OR4E1: variants seen among roughly 807,000 people sequenced by gnomAD.
OR4E1 encodes olfactory receptor family 4 subfamily E member 1, also known as olfactory receptor 4E1.
intron 1 of OR4E1, among the ~76,000 whole-genome samples, chr14:21,672,541 A>G (rs1433717778): frequency 6.6e-6 from 1 of 152,202 alleles, no homozygotes; most frequent in Admixed American, 6.5e-5. Context: ...TGCTCCAAGA[A>G]GTGATTTTAA....
chr14:21,668,043 A>C lies in OR4E1; in HGVS notation c.*1945T>G, dbSNP rs1880734399. The C allele has an allele frequency of 6.6e-6, 1 of 152,636 alleles. No individual in the cohort carries two copies. The highest frequency in any genetic ancestry group is 6.6e-5 in the Admixed American group (1 of 15,262). The allele number at this position is 152,636 out of a possible 1,614,324, so 9.5% of individuals were successfully genotyped here. A position where few individuals can be genotyped will look rare whatever the true frequency, so the allele number is the denominator to read the frequency against. Reference sequence around the variant, plus strand: ...TACGTCCCCAGAGAGTTGAAAAATTAGTGTGACTAAAAACGGGTAGTGTCA... The same window carrying C: ...TACGTCCCCAGAGAGTTGAAAAATTCGTGTGACTAAAAACGGGTAGTGTCA... On this transcript the variant is annotated 3_prime_UTR_variant, in exon 2 of 2. Coordinates refer to ENST00000641792, the MANE Select transcript of OR4E1 (RefSeq NM_001317107.2).
At chr14:21,673,009 C>A (rs560751637) in intron 1 of OR4E1, 81 bp downstream of exon 1, 3 of 152,196 alleles carry the variant, frequency 2.0e-5, no homozygotes, top group African/African-American at 7.2e-5. Context: ...GTCAGTCCTG[C>A]ACTTTCAATA....
intron 1 of OR4E1, 130 bp from the exon 2 acceptor site, chr14:21,671,082 T>C (rs1880919644): frequency 1.0e-5 from 4 of 396,500 alleles, no homozygotes; most frequent in Non-Finnish European, 1.8e-5. Context: ...TGCATTTCTT[T>C]TAAAAATCCC....
rs1245553071 is a variant in OR4E1, at chr14:21,670,016, C to T, written c.920G>A (p.Gly307Glu). 1 of 398,518 alleles carries T rather than the reference C, an allele frequency of 2.5e-6. No individual in the cohort carries two copies. The highest frequency in any genetic ancestry group is 3.6e-5 in the East Asian group (1 of 28,074). 24.7% of individuals were successfully genotyped at this position (398,518 alleles called of 1,614,324 possible). A position where few individuals can be genotyped will look rare whatever the true frequency, so the allele number is the denominator to read the frequency against. The change falls in exon 2 of 2, where the codon GGG (glycine) becomes GAG (glutamate). Residue 307 changes from glycine to glutamate, a missense_variant. By Grantham distance (98) the Gly-to-Glu change is moderately conservative. Transcript: ENST00000641792. ...EMKSALNKLV[G>E]RKERKEEK The stretch of plus-strand genomic sequence containing the variant: ...TTTTTCTTCTTTTCTCTCTTTTCTC[C>T]CCACTAACTTGTTTAAGGCACTCTT...
Position 21,668,548 on chromosome 14 carries a change from T to A in OR4E1, c.*1440A>T, listed in dbSNP as rs1355079586. The A allele has an allele frequency of 6.6e-6, 1 of 152,208 alleles. No individual in the cohort carries two copies. The highest frequency in any genetic ancestry group is 1.5e-5 in the Non-Finnish European group (1 of 68,042). 9.4% of individuals were successfully genotyped at this position (152,208 alleles called of 1,614,324 possible). On this transcript the variant is annotated 3_prime_UTR_variant, in exon 2 of 2. Transcript: ENST00000641792. The stretch of plus-strand genomic sequence containing the variant: ...AATGTGTCATGCTCTTTTGTAAACA[T>A]GAATATGAGATGCCGTTATCTGGGA...
rs1880817105 is a variant in OR4E1 at position 21,669,493 on chromosome 14, C to T, written c.*495G>A. The T allele has an allele frequency of 6.6e-6, 1 of 152,274 alleles. No individual in the cohort carries two copies. Among genetic ancestry groups the T allele is most frequent in the South Asian group, 2.1e-4 (1 of 4,830 alleles). 9.4% of individuals were successfully genotyped at this position (152,274 alleles called of 1,614,324 possible). The stretch of plus-strand genomic sequence containing the variant: ...GTCATGTGGAAACTCACTTTATCTG[C>T]TTCACTAGTGTTTGCTAAGCTGTTT... On this transcript the variant is annotated 3_prime_UTR_variant, in exon 2 of 2. Coordinates refer to ENST00000641792, the MANE Select transcript of OR4E1 (RefSeq NM_001317107.2).
At chr14:21,672,494 T>C (rs1243683365) in intron 1 of OR4E1, among the ~76,000 whole-genome samples, 1 of 152,236 alleles carries the variant, frequency 6.6e-6, no homozygotes, top group Non-Finnish European at 1.5e-5. Context: ...GATTTTACTG[T>C]TTAGAAATTT....
Position 21,670,973 on chromosome 14 carries a change from A to T in OR4E1, c.-17-21T>A. The T allele has an allele frequency of 5.0e-6, 2 of 398,436 alleles. 1 individual carries two copies. The highest frequency in any genetic ancestry group is 8.8e-6 in the Non-Finnish European group (2 of 226,064). The allele number at this position is 398,436 out of a possible 1,614,324, so 24.7% of individuals were successfully genotyped here. ...ACAACCTGTAAAGAATTAGAAAAAA[A>T]GTCTAATATAACACAGTATCTGCAT... On this transcript the variant is annotated intron_variant, in intron 1 of 1. Coordinates refer to ENST00000641792, the MANE Select transcript of OR4E1 (RefSeq NM_001317107.2).
rs12436426 is a variant in OR4E1 at position 21,673,456 on chromosome 14, A to G, written c.-384T>C. Reference sequence around the variant, plus strand: ...GTCTCTACAAAAAATACAAAAAATTAGCTGGGCATGTTGGCTTATACCTGT... The same window carrying G: ...GTCTCTACAAAAAATACAAAAAATTGGCTGGGCATGTTGGCTTATACCTGT... On this transcript the variant is annotated 5_prime_UTR_variant, in exon 1 of 2. An upstream open reading frame in the 5' UTR loses its in-frame stop. Transcript: ENST00000641792. 3,983 of 152,134 alleles carry G rather than the reference A, an allele frequency of 0.026. 147 individuals carry two copies. Among genetic ancestry groups the G allele is most frequent in the Admixed American group, 0.11 (1,724 of 15,274 alleles). The allele number at this position is 152,134 out of a possible 1,614,324, so 9.4% of individuals were successfully genotyped here.
At chr14:21,671,190 A>G (rs997366101) in intron 1 of OR4E1, among the ~76,000 whole-genome samples, 5 of 152,232 alleles carry the variant, frequency 3.3e-5, no homozygotes, top group African/African-American at 9.6e-5. Context: ...GAGATATAAA[A>G]CAATCTTGAA....
chr14:21,672,689 G>T (rs568714184), intron 1 of OR4E1, among the ~76,000 whole-genome samples: 44 of 152,190 alleles, frequency 2.9e-4, no homozygotes, highest in Non-Finnish European at 5.0e-4. Context: ...CAAGAACTAG[G>T]TCTGAAATGA....
In OR4E1 at chr14:21,670,237, G is replaced by T. The variant is rs770756203; in HGVS notation, c.699C>A (p.Ile233=). 7.5e-6 allele frequency: 3 copies of T among 398,892 alleles called. No individual in the cohort carries two copies. Among genetic ancestry groups the T allele is most frequent in the Non-Finnish European group, 1.3e-5 (3 of 226,280 alleles). 24.7% of individuals were successfully genotyped at this position (398,892 alleles called of 1,614,324 possible). Residue 233 remains isoleucine (I), a synonymous_variant, in exon 2 of 2, where the codon ATC becomes ATA. Coordinates refer to ENST00000641792, the MANE Select transcript of OR4E1 (RefSeq NM_001317107.2). ...AVILVSLRQQ[I]SKGKRKALST... ...ACAGGGCCTTCCGCTTGCCCTTGGA[G>T]ATCTGCTGCCTCAGACTCACCAGGA...
chr14:21,669,978 G>A lies in OR4E1; in HGVS notation c.*10C>T, dbSNP rs533025464. The A allele has an allele frequency of 1.5e-5, 6 of 398,572 alleles. No homozygotes were observed. The highest frequency in any genetic ancestry group is 1.3e-4 in the South Asian group (1 of 7,824). The allele number at this position is 398,572 out of a possible 1,614,324, so 24.7% of individuals were successfully genotyped here. A position where few individuals can be genotyped will look rare whatever the true frequency, so the allele number is the denominator to read the frequency against. Reference sequence around the variant, plus strand: ...TTGGAGCACCACGTATCCTAAGGACGTAGACATTTTCATTTTTCTTCTTTT... The same window carrying A: ...TTGGAGCACCACGTATCCTAAGGACATAGACATTTTCATTTTTCTTCTTTT... On this transcript the variant is annotated 3_prime_UTR_variant, in exon 2 of 2. Coordinates refer to ENST00000641792, the MANE Select transcript of OR4E1 (RefSeq NM_001317107.2).
In OR4E1 at chr14:21,670,871, G is replaced by C; in HGVS notation, c.65C>G (p.Ser22Cys). ...AGCTATCCGTGCCTTATGATTTACA[G>C]ATAAACCTCTAAGCCGAAAATATGT... ...LVTYFRLRGL[S>C]VNHKARIAMF... Residue 22 changes from serine (S) to cysteine (C), a missense_variant, in exon 2 of 2, where the codon TCT becomes TGT. Coordinates refer to ENST00000641792, the MANE Select transcript of OR4E1 (RefSeq NM_001317107.2). 2.5e-6 allele frequency: 1 copy of C among 398,868 alleles called. No individual in the cohort carries two copies. Among genetic ancestry groups the C allele is most frequent in the Non-Finnish European group, 4.4e-6 (1 of 226,060 alleles). The allele number at this position is 398,868 out of a possible 1,614,324, so 24.7% of individuals were successfully genotyped here.
intron 1 of OR4E1, among the ~76,000 whole-genome samples, chr14:21,672,653 GCA>G (rs1440286033): frequency 6.6e-6 from 1 of 152,198 alleles, no homozygotes; most frequent in African/African-American, 2.4e-5. Flanking sequence ...AATTTCACCT[GCA>G]CAGACTGAAG....
intron 1 of OR4E1, among the ~76,000 whole-genome samples, chr14:21,671,204 G>GGA (rs1331804245): frequency 6.6e-6 from 1 of 152,002 alleles, no homozygotes; most frequent in Admixed American, 6.6e-5. Context: ...TCTTGAAGAG[G>GGA]GAGAGAGAGA....
chr14:21,670,962 A>T lies in OR4E1; in HGVS notation c.-17-10T>A. The T allele has an allele frequency of 2.5e-6, 1 of 398,602 alleles. No homozygotes were observed. Among genetic ancestry groups the T allele is most frequent in the Non-Finnish European group, 4.4e-6 (1 of 226,060 alleles). The allele number at this position is 398,602 out of a possible 1,614,324, so 24.7% of individuals were successfully genotyped here. A position where few individuals can be genotyped will look rare whatever the true frequency, so the allele number is the denominator to read the frequency against. ...CTCTTTGTTAGACAACCTGTAAAGA[A>T]TTAGAAAAAAAGTCTAATATAACAC... is the stretch of plus-strand genomic sequence containing the variant. On this transcript the variant is annotated splice_polypyrimidine_tract_variant and intron_variant, in intron 1 of 1. Coordinates refer to ENST00000641792, the MANE Select transcript of OR4E1 (RefSeq NM_001317107.2).
At chr14:21,671,390 C>A (rs1383928064) in intron 1 of OR4E1, among the ~76,000 whole-genome samples, 1 of 152,092 alleles carries the variant, frequency 6.6e-6, no homozygotes, top group Non-Finnish European at 1.5e-5. Context: ...AATAGTCCTG[C>A]AGACTGCACT....
At chr14:21,672,711 C>T (rs1881017523) in intron 1 of OR4E1, among the ~76,000 whole-genome samples, 2 of 152,116 alleles carry the variant, frequency 1.3e-5, no homozygotes, top group South Asian at 2.1e-4. Flanking sequence ...GGCTTCTGTT[C>T]TCCCCTCATA....
Sources: allele counts gnomAD v4.1 joint callset (sites outside exome capture counted in the v4.1 genomes callset), GRCh38; gene constraint gnomAD v4.1.1; transcripts MANE v1.5; gene names NCBI Gene and HGNC (gene_info 2026-07-23, HGNC 2026-07-21).